AAMDC: variants seen among roughly 807,000 people sequenced by gnomAD.
AAMDC encodes the protein mth938 domain-containing protein.
In AAMDC, 16 loss-of-function variants were observed where a neutral mutation model predicts 15.5. The ratio of observed to expected loss-of-function variants is 1.03; its 90% CI spans 0.70 to 1.57. The LOEUF (loss-of-function observed/expected upper bound fraction) is 1.57, where lower values mean the gene tolerates loss of function less well. AAMDC is among the 40% of genes most tolerant of loss of function. AAMDC has a pLI of 0.00. For synonymous variants in AAMDC, 51 were observed against 51.6 expected, an observed-to-expected ratio of 0.99 and a Z score of 0.05; for missense variants, 141 against 144.9, an observed-to-expected ratio of 0.97 and a Z score of 0.14.
At chr11:77,860,918 T>C (rs1030714512) in intron 2 of AAMDC, among the ~76,000 whole-genome samples, 22 of 152,164 alleles carry the variant, frequency 1.4e-4, no homozygotes, top group African/African-American at 5.1e-4. Flanking sequence ...GTTCACTGTC[T>C]GTTGGGTTTC....
chr11:77,880,115 T>G (rs1326992644), intron 5 of AAMDC, among the ~76,000 whole-genome samples: 3 of 152,078 alleles, frequency 2.0e-5, no homozygotes, highest in Non-Finnish European at 4.4e-5. Context: ...AGGAATGGAG[T>G]GAGCTTGGGA....
At chr11:77,867,902 A>G (rs1394917149) in intron 2 of AAMDC, among the ~76,000 whole-genome samples, 4 of 152,206 alleles carry the variant, frequency 2.6e-5, no homozygotes, top group Non-Finnish European at 1.5e-5. Flanking sequence ...GGAAGTTCAG[A>G]AAAAAAGTAA....
At chr11:77,855,686 G>A (rs1240978305) in intron 2 of AAMDC, among the ~76,000 whole-genome samples, 1 of 145,528 alleles carries the variant, frequency 6.9e-6, no homozygotes, top group Non-Finnish European at 1.5e-5. Context: ...TTTATAATCT[G>A]CTTCCCTTTT....
intron 5 of AAMDC, chr11:77,883,925 T>C (rs1951888788): frequency 1.2e-6 from 2 of 1,613,268 alleles, no homozygotes; most frequent in South Asian, 2.2e-5. Context: ...GGGTGAATCA[T>C]CTGAGCCTGG....
At chr11:77,835,914 G>GA (rs766132746) in intron 1 of AAMDC, among the ~76,000 whole-genome samples, 79 of 147,074 alleles carry the variant, frequency 5.4e-4, no homozygotes, top group African/African-American at 1.7e-3. Context: ...TGTCAAAAAA[G>GA]AAAAAAAAAA....
chr11:77,829,791 A>C (rs533222568), intron 1 of AAMDC: 1 of 152,200 alleles, frequency 6.6e-6, no homozygotes, highest in Non-Finnish European at 1.5e-5. Context: ...CTTTACAAAA[A>C]CATGTATCAA....
chr11:77,865,158 C>T (rs554678425), intron 2 of AAMDC, among the ~76,000 whole-genome samples: 2 of 152,308 alleles, frequency 1.3e-5, no homozygotes, highest in South Asian at 2.1e-4. Flanking sequence ...TTCTACTGCA[C>T]ATGATTTGCC....
chr11:77,902,012 A>T (rs542969799), downstream of AAMDC, among the ~76,000 whole-genome samples: 16 of 152,274 alleles, frequency 1.1e-4, no homozygotes, highest in South Asian at 3.3e-3. Flanking sequence ...TTGGGACAGA[A>T]ATAAGTGCAA....
intron 2 of AAMDC, chr11:77,868,972 A>G (rs2136299781): frequency 7.0e-6 from 2 of 287,556 alleles, no homozygotes; most frequent in Non-Finnish European, 1.3e-5. Context: ...GTTTACAACA[A>G]TGCCAACAGC....
downstream of AAMDC, among the ~76,000 whole-genome samples, chr11:77,877,349 T>C (rs185329514): frequency 1.3e-5 from 2 of 152,356 alleles, no homozygotes; most frequent in Non-Finnish European, 2.9e-5. Context: ...AAATTCCAGC[T>C]CCACCTCTGA....
At chr11:77,904,805 C>T (rs1046381524), downstream of AAMDC, among the ~76,000 whole-genome samples, 1 of 152,066 alleles carries the variant, frequency 6.6e-6, no homozygotes, top group African/African-American at 2.4e-5. Context: ...AAGTGATTAG[C>T]GTGTTTTGGG....
chr11:77,873,907 G>A (rs1275871795), downstream of AAMDC, among the ~76,000 whole-genome samples: 2 of 152,166 alleles, frequency 1.3e-5, no homozygotes. Context: ...AGCCATCACT[G>A]GAGCAGCAGC....
chr11:77,836,736 C>T (rs1040487044), intron 1 of AAMDC, among the ~76,000 whole-genome samples: 9 of 152,308 alleles, frequency 5.9e-5, no homozygotes, highest in South Asian at 2.1e-4. Flanking sequence ...GAGGCCTAGG[C>T]GGGTGGATCG....
intron 5 of AAMDC, among the ~76,000 whole-genome samples, chr11:77,883,400 A>T (rs1951869642): frequency 6.6e-6 from 1 of 152,196 alleles, no homozygotes; most frequent in Non-Finnish European, 1.5e-5. Flanking sequence ...AAATGAAAAA[A>T]AATATTTTTA....
At chr11:77,869,628 T>C (rs1951317311) in intron 2 of AAMDC, 94 bp from the exon 3 acceptor site, 3 of 1,226,914 alleles carry the variant, frequency 2.4e-6, no homozygotes, top group African/African-American at 1.5e-5. Context: ...TGAACCTCAG[T>C]AGACATTTCT....
downstream of AAMDC, among the ~76,000 whole-genome samples, chr11:77,873,273 A>G (rs1951505725): frequency 6.6e-6 from 1 of 152,200 alleles, no homozygotes; most frequent in African/African-American, 2.4e-5. Context: ...ACCTGGAGTC[A>G]TTGTAGGTAT....
chr11:77,844,515 C>T lies in AAMDC; in HGVS notation c.132+1887C>T, dbSNP rs577627541. Among the ~76,000 whole-genome samples, 9 of 152,092 alleles carry T rather than the reference C, an allele frequency of 5.9e-5. No individual in the cohort carries two copies. In the South Asian group the frequency reaches 1.9e-3, roughly 32 times the overall value. The stretch of plus-strand genomic sequence containing the variant: ...GTAGCAAGGACCACAGGCATGCAAT[C>T]ACACCTGGCTTATTTTTTTTAGTTT... On this transcript the variant is annotated intron_variant, in intron 2 of 3. Coordinates refer to ENST00000393427, the MANE Select transcript of AAMDC (RefSeq NM_024684.4).
At chr11:77,850,018 C>G (rs1274668440) in intron 2 of AAMDC, among the ~76,000 whole-genome samples, 2 of 152,218 alleles carry the variant, frequency 1.3e-5, no homozygotes, top group African/African-American at 4.8e-5. Context: ...TTAGCAAGAA[C>G]TATGCATTTA....
chr11:77,889,108 A>G (rs1952146050), intron 5 of AAMDC, among the ~76,000 whole-genome samples: 1 of 152,214 alleles, frequency 6.6e-6, no homozygotes, highest in Non-Finnish European at 1.5e-5. Flanking sequence ...TCATGCTGCT[A>G]TAAAGACACA....
Sources: allele counts gnomAD v4.1 joint callset (sites outside exome capture counted in the v4.1 genomes callset), GRCh38; gene constraint gnomAD v4.1.1; transcripts MANE v1.5; gene names NCBI Gene and HGNC (gene_info 2026-07-23, HGNC 2026-07-21).